Variants in ORAI2 observed in about 807,000 individuals in gnomAD.
ORAI2 encodes the protein protein orai-2.
Under a neutral mutation model 16.2 loss-of-function variants are expected in ORAI2, and 10 were observed. The observed-to-expected ratio is 0.62, with a 90% CI of 0.38 to 1.04. The LOEUF is 1.04. Among genes scored for constraint, ORAI2 ranks in the 50% least tolerant of loss-of-function variants. ORAI2 has a pLI of 0.01. For missense variants in ORAI2, 238 were observed against 355.5 expected (o/e 0.67, Z 2.66); for synonymous variants, 150 against 157.5 (o/e 0.95, Z 0.35).
At chr7:102,441,417 G>A (rs900075869) in intron 3 of ORAI2, among the ~76,000 whole-genome samples, 2 of 151,202 alleles carry the variant, frequency 1.3e-5, no homozygotes, top group African/African-American at 4.9e-5. Context: ...GCAGATGCCT[G>A]TAATCCCAGC....
At position 102,447,078 on chromosome 7, in the gene ORAI2, G is replaced by A. The variant is rs1389403445; in HGVS notation, c.*26G>A. 4.7e-6 allele frequency: 7 copies of A among 1,500,660 alleles called. No homozygotes were observed. Among genetic ancestry groups the A allele is most frequent in the Admixed American group, 2.2e-5 (1 of 45,630 alleles). The allele number at this position is 1,500,660 out of a possible 1,614,324, so 93.0% of individuals were successfully genotyped here. A position where few individuals can be genotyped will look rare whatever the true frequency, so the allele number is the denominator to read the frequency against. Reference sequence around the variant, plus strand: ...GGGGCCGAGGGCCGGGGCTGGGAGCGGCCCTGTGCCCGGGAGTCCGCAGAG... The same window carrying A: ...GGGGCCGAGGGCCGGGGCTGGGAGCAGCCCTGTGCCCGGGAGTCCGCAGAG... On this transcript the variant is annotated 3_prime_UTR_variant, in exon 4 of 4. Coordinates refer to ENST00000495936, the MANE Select transcript of ORAI2 (RefSeq NM_001126340.3).
In ORAI2 at chr7:102,452,845, T is replaced by A. The variant is rs1348790664; in HGVS notation, c.*5793T>A. Reference sequence around the variant, plus strand: ...TTGTTTTTTTGAAACAGTCTCTCTCTGTCTCCCAGGCTGGAGTGCAGTGGC... The same window carrying A: ...TTGTTTTTTTGAAACAGTCTCTCTCAGTCTCCCAGGCTGGAGTGCAGTGGC... On this transcript the variant is annotated 3_prime_UTR_variant, in exon 4 of 4. Transcript: ENST00000495936. The A allele has an allele frequency of 1.3e-5, 2 of 152,164 alleles. No homozygotes were observed. Among genetic ancestry groups the A allele is most frequent in the Non-Finnish European group, 2.9e-5 (2 of 68,100 alleles). 9.4% of individuals were successfully genotyped at this position (152,164 alleles called of 1,614,324 possible).
chr7:102,435,639 ATT>A (rs752472061), intron 1 of ORAI2, among the ~76,000 whole-genome samples: 3 of 129,562 alleles, frequency 2.3e-5, no homozygotes, highest in Non-Finnish European at 1.6e-5. Context: ...ACACCCAGCT[ATT>A]TTTTTTTTTT....
At chr7:102,434,653 C>A in intron 1 of ORAI2, 1 of 152,688 alleles carries the variant, frequency 6.5e-6, no homozygotes, top group Non-Finnish European at 1.5e-5. Flanking sequence ...AGCCATTTCC[C>A]TGGGTTGAAC....
intron 1 of ORAI2, among the ~76,000 whole-genome samples, chr7:102,434,121 C>CAAAA (rs55642836): frequency 7.5e-5 from 5 of 66,994 alleles, no homozygotes; most frequent in African/African-American, 1.1e-4. Context: ...CTCATTAAAG[C>CAAAA]AAAAAAAAAA....
In ORAI2 at chr7:102,454,449, G is replaced by A. The variant is rs536781710; in HGVS notation, c.*7397G>A. On this transcript the variant is annotated 3_prime_UTR_variant, in exon 4 of 4. Transcript: ENST00000495936. ...ACCCACCCATGGGTACTGTGGGATGGGGGACAGGCTGGCTTAACACAAATC... is the reference window on the plus strand; with the variant it reads ...ACCCACCCATGGGTACTGTGGGATGAGGGACAGGCTGGCTTAACACAAATC... The A allele has an allele frequency of 6.5e-6, 1 of 153,884 alleles. No individual in the cohort carries two copies. Among genetic ancestry groups the A allele is most frequent in the East Asian group, 1.9e-4 (1 of 5,174 alleles). 9.5% of individuals were successfully genotyped at this position (153,884 alleles called of 1,614,324 possible).
intron 3 of ORAI2, among the ~76,000 whole-genome samples, chr7:102,442,728 C>A (rs1797238629): frequency 6.6e-6 from 1 of 151,800 alleles, no homozygotes; most frequent in African/African-American, 2.4e-5. Context: ...TGGTGGCTGG[C>A]ACCTGTAACC....
chr7:102,436,246 G>A lies in ORAI2; in HGVS notation c.-101G>A. 1 of 929,702 alleles carries A rather than the reference G, an allele frequency of 1.1e-6. No individual in the cohort carries two copies. Among genetic ancestry groups the A allele is most frequent in the Non-Finnish European group, 1.3e-6 (1 of 778,928 alleles). 57.6% of individuals were successfully genotyped at this position (929,702 alleles called of 1,614,324 possible). On this transcript the variant is annotated 5_prime_UTR_variant, in exon 2 of 4. Transcript: ENST00000495936. ...CAAGGGAAGGAACGTCCCAGGGATG[G>A]AAGTGCTTGGATGCGGTGCTGCTGG...
In ORAI2 at chr7:102,447,363, A is replaced by G. The variant is rs1227491762; in HGVS notation, c.*311A>G. 5.7e-6 allele frequency: 2 copies of G among 352,494 alleles called. No individual in the cohort carries two copies. Among genetic ancestry groups the G allele is most frequent in the Non-Finnish European group, 5.2e-6 (1 of 192,402 alleles). 21.8% of individuals were successfully genotyped at this position (352,494 alleles called of 1,614,324 possible). On this transcript the variant is annotated 3_prime_UTR_variant, in exon 4 of 4. Transcript: ENST00000495936. ...CAGTCCTGGGCCAGGAGGGGCTCCA[A>G]GCAGCACCCAGCGGTCCGGGGGAGT...
chr7:102,444,274 G>T (rs1044611320), intron 3 of ORAI2, among the ~76,000 whole-genome samples: 20 of 149,922 alleles, frequency 1.3e-4, no homozygotes, highest in African/African-American at 4.7e-4. Flanking sequence ...TTTTTTTGTG[G>T]CAGGGTCTCA....
chr7:102,446,795 T>C lies in ORAI2; in HGVS notation c.508T>C (p.Trp170Arg). The change falls in exon 4 of 4, where the codon TGG becomes CGG. Residue 170 changes from tryptophan to arginine, a missense_variant. By Grantham distance (101) the Trp-to-Arg change is moderately radical. Coordinates refer to ENST00000495936, the MANE Select transcript of ORAI2 (RefSeq NM_001126340.3). ...LFLAEVVLLCWIKFLPVDARR... is the reference protein window; with the variant it reads ...LFLAEVVLLCRIKFLPVDARR... ...CCTGGCCGAGGTGGTGCTGCTCTGCTGGATCAAGTTCCTCCCCGTGGATGC... is the reference window on the plus strand; with the variant it reads ...CCTGGCCGAGGTGGTGCTGCTCTGCCGGATCAAGTTCCTCCCCGTGGATGC... 3 of 1,614,140 alleles carry C rather than the reference T, an allele frequency of 1.9e-6. No individual in the cohort carries two copies. Among genetic ancestry groups the C allele is most frequent in the Non-Finnish European group, 2.5e-6 (3 of 1,180,034 alleles).
At chr7:102,442,020 T>A (rs1797218723) in intron 3 of ORAI2, among the ~76,000 whole-genome samples, 1 of 152,128 alleles carries the variant, frequency 6.6e-6, no homozygotes, top group Non-Finnish European at 1.5e-5. Context: ...AAGCTGTTCC[T>A]TTGTCTAGCA....
rs934600142 is a variant in ORAI2, at chr7:102,452,023, C to G, written c.*4971C>G. ...CCCAGTCCCTTGAGGAGAGGAGCTACCAGAGCACTGGTCACCTCAGGACAT... is the reference window on the plus strand; with the variant it reads ...CCCAGTCCCTTGAGGAGAGGAGCTAGCAGAGCACTGGTCACCTCAGGACAT... On this transcript the variant is annotated 3_prime_UTR_variant, in exon 4 of 4. Transcript: ENST00000495936. 4 of 152,298 alleles carry G rather than the reference C, an allele frequency of 2.6e-5. No individual in the cohort carries two copies. The highest frequency in any genetic ancestry group is 4.4e-5 in the Non-Finnish European group (3 of 68,106). The allele number at this position is 152,298 out of a possible 1,614,324, so 9.4% of individuals were successfully genotyped here. A position where few individuals can be genotyped will look rare whatever the true frequency, so the allele number is the denominator to read the frequency against.
In ORAI2 at chr7:102,456,127, C is replaced by G. The variant is rs796119951; in HGVS notation, c.*9075C>G. 7.8e-5 allele frequency: 12 copies of G among 153,964 alleles called. No homozygotes were observed. Among genetic ancestry groups the G allele is most frequent in the African/African-American group, 2.9e-4 (12 of 41,552 alleles). The allele number at this position is 153,964 out of a possible 1,614,324, so 9.5% of individuals were successfully genotyped here. On this transcript the variant is annotated 3_prime_UTR_variant, in exon 4 of 4. Coordinates refer to ENST00000495936, the MANE Select transcript of ORAI2 (RefSeq NM_001126340.3). The stretch of plus-strand genomic sequence containing the variant: ...CCACCCCCTCAGCCTCCACAGCCTG[C>G]CCCGCACCCAGCCACAGGAACAGCA...
At chr7:102,442,783 A>G (rs1289566993) in intron 3 of ORAI2, among the ~76,000 whole-genome samples, 1 of 152,010 alleles carries the variant, frequency 6.6e-6, no homozygotes, top group Non-Finnish European at 1.5e-5. Flanking sequence ...TTGAATCCGG[A>G]AAGGGGAAGT....
rs774484255 is a variant in ORAI2 at position 102,439,082 on chromosome 7, C to T, written c.126C>T (p.His42=). 2.5e-5 allele frequency: 41 copies of T among 1,613,998 alleles called. No homozygotes were observed. The highest frequency in any genetic ancestry group is 3.4e-5 in the Non-Finnish European group (40 of 1,180,056). The part of the protein sequence containing the change: ...RSYLELVTSN[H]HSVQALSWRK... ...ACCTGGAACTGGTCACCTCTAACCACCACTCGGTACAGGCCCTGTCGTGGC... is the reference window on the plus strand; with the variant it reads ...ACCTGGAACTGGTCACCTCTAACCATCACTCGGTACAGGCCCTGTCGTGGC... Residue 42 remains histidine (H), a synonymous_variant, in exon 3 of 4, where the codon CAC becomes CAT. Transcript: ENST00000495936.
Position 102,438,921 on chromosome 7 carries a change from G to C in ORAI2, c.-13-23G>C, listed in dbSNP as rs755733659. On this transcript the variant is annotated intron_variant, in intron 2 of 3. Coordinates refer to ENST00000495936, the MANE Select transcript of ORAI2 (RefSeq NM_001126340.3). ...GGCCGCAGTAACCTAGGATGTCTGA[G>C]CATGTCTCTCTCCCACCCTTAGCCT... 2.2e-5 allele frequency: 35 copies of C among 1,607,734 alleles called. No homozygotes were observed. The Admixed American group carries it at 5.8e-4, about 27-fold the overall frequency.
At chr7:102,438,807 C>A in intron 2 of ORAI2, 137 bp from the exon 3 acceptor site, 1 of 737,732 alleles carries the variant, frequency 1.4e-6, no homozygotes, top group South Asian at 1.7e-5. Context: ...AACTTTAGGT[C>A]CTGGGCACTT....
At chr7:102,441,310 G>A (rs1359903616) in intron 3 of ORAI2, among the ~76,000 whole-genome samples, 1 of 151,374 alleles carries the variant, frequency 6.6e-6, no homozygotes, top group African/African-American at 2.4e-5. Flanking sequence ...GGGAGGCTGA[G>A]GTGGGCAGAT....
Sources: gnomAD v4.1 joint callset for allele counts (sites outside exome capture counted in the v4.1 genomes callset) on GRCh38, gnomAD v4.1.1 for gene constraint, MANE v1.5 for transcripts, NCBI Gene and HGNC (gene_info 2026-07-23, HGNC 2026-07-21) for gene names.